The following RASAL2 variants were observed in gnomAD, a reference collection of about 807,000 sequenced individuals.
RASAL2 encodes ras GTPase-activating protein nGAP.
In RASAL2, 58 loss-of-function variants were observed where a neutral mutation model predicts 128.9. That is an observed-to-expected ratio of 0.45 (90% CI 0.36 to 0.56). The LOEUF is 0.56. Ranked by LOEUF, RASAL2 falls within the 20% of genes least tolerant of loss-of-function variation. RASAL2 has a pLI of 0.00. For missense variants in RASAL2, 1,360 were observed against 1,601.6 expected, an observed-to-expected ratio of 0.85 and a Z score of 2.57; for synonymous variants, 561 against 580.8, an observed-to-expected ratio of 0.97 and a Z score of 0.49.
chr1:178,155,461 G>A (rs316249), intron 1 of RASAL2, among the ~76,000 whole-genome samples: 89,935 of 142,638 alleles, frequency 0.63, 30,874 homozygotes, highest in East Asian at 0.81. Context: ...TTATAAACCA[G>A]CAAAAAAAAA....
intron 3 of RASAL2, among the ~76,000 whole-genome samples, chr1:178,374,499 C>T (rs993070672): frequency 6.6e-6 from 1 of 152,128 alleles, no homozygotes; most frequent in African/African-American, 2.4e-5. Flanking sequence ...CTACTTACTT[C>T]TGTACAGTAA....
chr1:178,408,094 G>A (rs1674103271), intron 4 of RASAL2, among the ~76,000 whole-genome samples: 1 of 152,144 alleles, frequency 6.6e-6, no homozygotes, highest in Non-Finnish European at 1.5e-5. Context: ...TATTTTAGTT[G>A]TATCAATTGC....
intron 1 of RASAL2, among the ~76,000 whole-genome samples, chr1:178,095,079 G>A (rs1366665187): frequency 6.6e-6 from 1 of 152,136 alleles, no homozygotes; most frequent in Non-Finnish European, 1.5e-5. Context: ...GGCAAGACTG[G>A]AAACCAAGAT....
At position 178,420,535 on chromosome 1, in the gene RASAL2, G is replaced by A; in HGVS notation, c.589G>A (p.Gly197Ser). 6 of 1,611,956 alleles carry A rather than the reference G, an allele frequency of 3.7e-6. No homozygotes were observed. The highest frequency in any genetic ancestry group is 1.3e-5 in the African/African-American group (1 of 74,926). Residue 197 changes from glycine (G) to serine (S), a missense_variant, in exon 5 of 18, where the codon GGC becomes AGC. Physicochemically the swap from Gly to Ser is moderately conservative, Grantham distance 56. Around this residue, in one of 3 missense-constraint regions of RASAL2, gnomAD observed 617 missense variants for 714.2 expected, o/e 0.86. Transcript: ENST00000367649. Reference sequence around the variant, plus strand: ...GGGATTCTTCAGCAAGCGCCTGAAAGGCTCCATCAAGAGGACCAAAAGCCA... The same window carrying A: ...GGGATTCTTCAGCAAGCGCCTGAAAAGCTCCATCAAGAGGACCAAAAGCCA... ...VPGFFSKRLK[G>S]SIKRTKSQSK...
In RASAL2 at chr1:178,442,630, T is replaced by C. The variant is rs773410108; in HGVS notation, c.928-45T>C. On this transcript the variant is annotated intron_variant, in intron 7 of 17. Transcript: ENST00000367649. The stretch of plus-strand genomic sequence containing the variant: ...AACTTAAGAAAAAAATGTTTTTTTT[T>C]CTGCAATGTCAGCTCTGAAATTCAG... 183 of 1,516,850 alleles carry C rather than the reference T, an allele frequency of 1.2e-4. 1 individual carries two copies. Among genetic ancestry groups the C allele is most frequent in the Admixed American group, 1.8e-4 (8 of 45,014 alleles). 94.0% of individuals were successfully genotyped at this position (1,516,850 alleles called of 1,614,324 possible).
intron 14 of RASAL2, among the ~76,000 whole-genome samples, chr1:178,461,103 C>T (rs890865265): frequency 4.6e-5 from 7 of 152,144 alleles, no homozygotes; most frequent in Non-Finnish European, 1.0e-4. Flanking sequence ...AGTGAGCCAC[C>T]GTGCCTGGCC....
At chr1:178,303,520 G>T (rs1018444661) in intron 3 of RASAL2, among the ~76,000 whole-genome samples, 1 of 151,694 alleles carries the variant, frequency 6.6e-6, no homozygotes, top group African/African-American at 2.4e-5. Context: ...TTAAGAATTT[G>T]TGTTGGGCTG....
intron 1 of RASAL2, among the ~76,000 whole-genome samples, chr1:178,223,420 C>T (rs890152470): frequency 2.0e-5 from 3 of 152,082 alleles, no homozygotes; most frequent in Non-Finnish European, 2.9e-5. Context: ...GAAGGAAGAT[C>T]GTATACCATC....
rs900877071 is a variant in RASAL2 at position 178,469,564 on chromosome 1, T to C, written c.3678+2143T>C. 7.9e-5 allele frequency among the ~76,000 whole-genome samples: 12 copies of C among 152,214 alleles called. 1 individual carries two copies. The highest frequency in any genetic ancestry group is 2.9e-4 in the African/African-American group (12 of 41,458). ...CTCTCAGTTAACCAGGAGGGTGTCA[T>C]GTGTAGGAATGGGAGAAATGCTATC... On this transcript the variant is annotated intron_variant, in intron 17 of 17. Coordinates refer to ENST00000367649, the MANE Select transcript of RASAL2 (RefSeq NM_170692.4).
intron 4 of RASAL2, among the ~76,000 whole-genome samples, chr1:178,420,181 A>G (rs1675049494): frequency 6.6e-6 from 1 of 152,198 alleles, no homozygotes; most frequent in Non-Finnish European, 1.5e-5. Flanking sequence ...ATAGAAAGGA[A>G]TATATTTGTG....
rs780763409 is a variant in RASAL2 at position 178,283,577 on chromosome 1, A to C, written c.216A>C (p.Pro72=). The C allele has an allele frequency of 5.0e-6, 8 of 1,612,904 alleles. No individual in the cohort carries two copies. Among genetic ancestry groups the C allele is most frequent in the African/African-American group, 2.7e-5 (2 of 74,730 alleles). ...TTTCTCATGCAGATGTGAAAGGACC[A>C]CCCACCCACCGTCTGTCTTGTGGTC... ...SWVRVYDVKG[P]PTHRLSCGQS... is the part of the protein sequence containing the mutation. The change falls in exon 2 of 18, where the codon CCA becomes CCC. Residue 72 remains proline (P), a synonymous_variant. Transcript: ENST00000367649.
At chr1:178,147,842 G>A (rs1391912336) in intron 1 of RASAL2, among the ~76,000 whole-genome samples, 1 of 152,136 alleles carries the variant, frequency 6.6e-6, no homozygotes, top group Non-Finnish European at 1.5e-5. Flanking sequence ...GGCCAAGGTG[G>A]GTGGATCACC....
intron 1 of RASAL2, among the ~76,000 whole-genome samples, chr1:178,236,126 G>T (rs1475325578): frequency 1.3e-5 from 2 of 152,064 alleles, no homozygotes; most frequent in Non-Finnish European, 2.9e-5. Flanking sequence ...CAGATAACCA[G>T]AAGATAGTCT....
chr1:178,300,694 A>T (rs1667727827), intron 3 of RASAL2, among the ~76,000 whole-genome samples: 1 of 152,188 alleles, frequency 6.6e-6, no homozygotes, highest in African/African-American at 2.4e-5. Flanking sequence ...TTATATACTA[A>T]AGGAGTTAAT....
intron 1 of RASAL2, among the ~76,000 whole-genome samples, chr1:178,248,085 C>A (rs1664859678): frequency 6.6e-6 from 1 of 152,120 alleles, no homozygotes; most frequent in African/African-American, 2.4e-5. Context: ...TCTATTAGGT[C>A]CACTTGGTCC....
intron 3 of RASAL2, among the ~76,000 whole-genome samples, chr1:178,346,234 T>C (rs1670147673): frequency 6.6e-6 from 1 of 151,948 alleles, no homozygotes; most frequent in Admixed American, 6.6e-5. Context: ...AGACCTCCCC[T>C]CTACAGAAAA....
At chr1:178,135,799 T>C (rs1257112115) in intron 1 of RASAL2, among the ~76,000 whole-genome samples, 2 of 152,144 alleles carry the variant, frequency 1.3e-5, no homozygotes, top group Non-Finnish European at 2.9e-5. Flanking sequence ...CCATCTTACA[T>C]GGATGGCAGT....
At chr1:178,412,051 G>T in intron 4 of RASAL2, 1 of 348,950 alleles carries the variant, frequency 2.9e-6, no homozygotes, top group Non-Finnish European at 5.3e-6. Context: ...AAAATAAATT[G>T]CCATCATGTG....
intron 3 of RASAL2, 98 bp from the exon 4 acceptor site, chr1:178,390,002 T>G: frequency 1.4e-6 from 1 of 738,650 alleles, no homozygotes; most frequent in South Asian, 1.9e-5. Flanking sequence ...CTTTAAAGCA[T>G]GCTGGTTTAT....
Sources: allele counts gnomAD v4.1 joint callset (sites outside exome capture counted in the v4.1 genomes callset), GRCh38; gene constraint gnomAD v4.1.1; regional missense constraint gnomAD v4.1.1; transcripts MANE v1.5; gene names NCBI Gene and HGNC (gene_info 2026-07-23, HGNC 2026-07-21).